Variants in KIF6 observed in about 807,000 individuals in gnomAD.
The protein encoded by KIF6 is kinesin-like protein KIF6.
Under a neutral mutation model 112.7 loss-of-function variants are expected in KIF6, and 106 were observed. That is an observed-to-expected ratio of 0.94 (90% CI 0.80 to 1.11). The LOEUF is 1.11. Ranked by LOEUF, KIF6 falls within the 50% of genes least tolerant of loss-of-function variation. The pLI is 0.00. For missense variants in KIF6, 929 were observed against 964.0 expected, an observed-to-expected ratio of 0.96 and a Z score of 0.48; for synonymous variants, 339 against 339.9, an observed-to-expected ratio of 1.00 and a Z score of 0.03.
intron 15 of KIF6, among the ~76,000 whole-genome samples, chr6:39,408,873 C>T (rs1487840505): frequency 2.0e-5 from 3 of 152,100 alleles, no homozygotes; most frequent in Non-Finnish European, 4.4e-5. Flanking sequence ...CCCAATGAAT[C>T]TATGACTTTC....
chr6:39,710,514 G>A (rs185180055), intron 3 of KIF6, among the ~76,000 whole-genome samples: 2 of 148,518 alleles, frequency 1.3e-5, no homozygotes, highest in Non-Finnish European at 3.0e-5. Flanking sequence ...TATCTTCAGA[G>A]GGAAAGGGAG....
intron 3 of KIF6, among the ~76,000 whole-genome samples, chr6:39,705,298 C>G (rs542509004): frequency 6.6e-6 from 1 of 152,182 alleles, no homozygotes; most frequent in South Asian, 2.1e-4. Context: ...ATTGATGCTG[C>G]TGGGTTACGG....
chr6:39,381,510 C>A (rs902924138), intron 16 of KIF6, among the ~76,000 whole-genome samples: 2 of 152,190 alleles, frequency 1.3e-5, no homozygotes, highest in Admixed American at 6.5e-5. Flanking sequence ...GAGTAGGCTG[C>A]CTTTACTCTT....
Position 39,655,483 on chromosome 6 carries a change from T to C in KIF6, c.252-15726A>G, listed in dbSNP as rs886523728. Among the ~76,000 whole-genome samples, 3 of 152,046 alleles carry C rather than the reference T, an allele frequency of 2.0e-5. No individual in the cohort carries two copies. In the East Asian group the frequency reaches 5.8e-4, roughly 29 times the overall value. ...AATTAAGTCAAATTTTTTTCTTCATTTTTTTTGCATTTCATGTCTTCACAG... is the reference window on the plus strand; with the variant it reads ...AATTAAGTCAAATTTTTTTCTTCATCTTTTTTGCATTTCATGTCTTCACAG... On this transcript the variant is annotated intron_variant, in intron 3 of 22. Coordinates refer to ENST00000287152, the MANE Select transcript of KIF6 (RefSeq NM_145027.6).
chr6:39,722,905 G>A (rs1201473321), intron 1 of KIF6, among the ~76,000 whole-genome samples: 4 of 152,052 alleles, frequency 2.6e-5, no homozygotes, highest in African/African-American at 9.7e-5. Flanking sequence ...TACAAAATGA[G>A]GTACATTAAA....
chr6:39,671,922 G>A (rs1396085718), intron 3 of KIF6, among the ~76,000 whole-genome samples: 1 of 152,190 alleles, frequency 6.6e-6, no homozygotes, highest in Non-Finnish European at 1.5e-5. Flanking sequence ...ATTCACTGGT[G>A]TGTTTAAATG....
intron 13 of KIF6, among the ~76,000 whole-genome samples, chr6:39,523,570 C>T (rs180976608): frequency 1.5e-3 from 218 of 148,112 alleles, no homozygotes; most frequent in Non-Finnish European, 2.5e-3. Context: ...GTGTCCTACA[C>T]CTCTGCACAT....
chr6:39,585,017 T>C (rs768873652), intron 8 of KIF6, 33 bp from the exon 9 acceptor site: 3 of 1,162,270 alleles, frequency 2.6e-6, no homozygotes, highest in African/African-American at 1.5e-5. Flanking sequence ...TAAAATATTA[T>C]GGCATAGAGA....
At chr6:39,517,968 C>T (rs1275449087) in intron 13 of KIF6, among the ~76,000 whole-genome samples, 1 of 152,146 alleles carries the variant, frequency 6.6e-6, no homozygotes, top group Admixed American at 6.5e-5. Context: ...GCTTTCTGGT[C>T]CTGCTTATGT....
intron 13 of KIF6, among the ~76,000 whole-genome samples, chr6:39,449,062 A>G (rs1027114592): frequency 2.6e-5 from 4 of 152,174 alleles, no homozygotes; most frequent in Non-Finnish European, 5.9e-5. Flanking sequence ...ATAATGCCTT[A>G]CACCTCTCTG....
At chr6:39,486,074 G>A (rs372531306) in intron 13 of KIF6, among the ~76,000 whole-genome samples, 4 of 152,298 alleles carry the variant, frequency 2.6e-5, no homozygotes, top group South Asian at 4.1e-4. Context: ...ATGAAAGATG[G>A]CTGTGAACAC....
At position 39,648,226 on chromosome 6, in the gene KIF6, G is replaced by A. The variant is rs920389431; in HGVS notation, c.252-8469C>T. On this transcript the variant is annotated intron_variant, in intron 3 of 22. Coordinates refer to ENST00000287152, the MANE Select transcript of KIF6 (RefSeq NM_145027.6). ...TTTAGTAGAGACGGGGGGCGGGCGG[G>A]GGGGGGTGCCTCACCATGTTGGCCA... 1.0e-4 allele frequency among the ~76,000 whole-genome samples: 11 copies of A among 109,148 alleles called. No individual in the cohort carries two copies. The East Asian group carries it at 2.2e-3, about 22-fold the overall frequency. The allele number at this position is 109,148 out of a possible 152,430, so 71.6% of individuals were successfully genotyped here.
chr6:39,360,833 T>C (rs925944022), intron 17 of KIF6, among the ~76,000 whole-genome samples: 2 of 152,180 alleles, frequency 1.3e-5, no homozygotes, highest in Non-Finnish European at 2.9e-5. Context: ...GGGATAAGCA[T>C]TGCTGCAGGC....
intron 13 of KIF6, among the ~76,000 whole-genome samples, chr6:39,470,775 A>C (rs1424367653): frequency 1.4e-5 from 2 of 145,868 alleles, no homozygotes; most frequent in Non-Finnish European, 1.6e-5. Context: ...ACCCCTGAGC[A>C]GGACTGGCCT....
At position 39,720,693 on chromosome 6, in the gene KIF6, A is replaced by G. The variant is rs1230855869; in HGVS notation, c.176+9T>C. 2.8e-6 allele frequency: 4 copies of G among 1,424,472 alleles called. No individual in the cohort carries two copies. Among genetic ancestry groups the G allele is most frequent in the Non-Finnish European group, 4.0e-6 (4 of 1,008,402 alleles). The allele number at this position is 1,424,472 out of a possible 1,614,324, so 88.2% of individuals were successfully genotyped here. A position where few individuals can be genotyped will look rare whatever the true frequency, so the allele number is the denominator to read the frequency against. On this transcript the variant is annotated intron_variant, in intron 2 of 22. Coordinates refer to ENST00000287152, the MANE Select transcript of KIF6 (RefSeq NM_145027.6). ...AACAGAAATGAAAAAAGGAGAAAGA[A>G]AAACTTACTTAAATTTGTAGCTTTC...
intron 13 of KIF6, among the ~76,000 whole-genome samples, chr6:39,471,692 A>G (rs953298484): frequency 6.6e-6 from 1 of 152,130 alleles, no homozygotes; most frequent in Non-Finnish European, 1.5e-5. Context: ...AGGTCTAGGT[A>G]ACTCCTATTT....
At position 39,343,418 on chromosome 6, in the gene KIF6, G is replaced by T. The variant is rs1379682984; in HGVS notation, c.2428+291C>A. 2.9e-6 allele frequency: 4 copies of T among 1,379,402 alleles called. No individual in the cohort carries two copies. The South Asian group carries it at 3.7e-5, about 13-fold the overall frequency. 85.4% of individuals were successfully genotyped at this position (1,379,402 alleles called of 1,614,324 possible). ...GGAGACAGCTGACTTTGGGAACAGA[G>T]AACAAAGGAGCTGAAGATCTGGAAG... On this transcript the variant is annotated intron_variant, in intron 22 of 22. Transcript: ENST00000287152. The surrounding 1 kb of genome is among the most constrained non-coding windows in gnomAD (Gnocchi z 4.1).
intron 15 of KIF6, among the ~76,000 whole-genome samples, chr6:39,410,335 G>T (rs1769394569): frequency 6.6e-6 from 1 of 152,182 alleles, no homozygotes; most frequent in Admixed American, 6.5e-5. Context: ...CTCCCATAAG[G>T]GAAAGAAATT....
At chr6:39,559,980 T>C (rs1779927024) in intron 10 of KIF6, among the ~76,000 whole-genome samples, 2 of 152,242 alleles carry the variant, frequency 1.3e-5, no homozygotes, top group African/African-American at 4.8e-5. Context: ...GACATATTTA[T>C]ACAAAACATT....
Sources: allele counts gnomAD v4.1 joint callset (sites outside exome capture counted in the v4.1 genomes callset), GRCh38; gene constraint gnomAD v4.1.1; non-coding constraint Gnocchi (gnomAD v3.1); transcripts MANE v1.5; gene names NCBI Gene and HGNC (gene_info 2026-07-23, HGNC 2026-07-21).